The following NKAIN2 variants were observed in gnomAD, a reference collection of about 807,000 sequenced individuals.
NKAIN2 encodes sodium/potassium transporting ATPase interacting 2.
In NKAIN2, 14 loss-of-function variants were observed where a neutral mutation model predicts 32.6. The ratio of observed to expected loss-of-function variants is 0.43; its 90% CI spans 0.28 to 0.67. The LOEUF is 0.67. NKAIN2 is among the 30% of genes least tolerant of loss of function. The pLI is 0.17. For missense variants in NKAIN2, 198 were observed against 258.3 expected (o/e 0.77, Z 1.60); for synonymous variants, 80 against 87.2 (o/e 0.92, Z 0.46).
chr6:124,607,321 A>C (rs539838489), intron 3 of NKAIN2, among the ~76,000 whole-genome samples: 1 of 152,236 alleles, frequency 6.6e-6, no homozygotes, highest in South Asian at 2.1e-4. Context: ...CAGCATCAGA[A>C]CCAGAAGAGG....
chr6:124,542,438 C>T (rs536510905), intron 3 of NKAIN2, among the ~76,000 whole-genome samples: 12 of 152,132 alleles, frequency 7.9e-5, no homozygotes, highest in African/African-American at 2.2e-4. Flanking sequence ...TAAACAGATT[C>T]GAATAGGTGT....
intron 3 of NKAIN2, among the ~76,000 whole-genome samples, chr6:124,394,456 GAGAT>G (rs59551274): frequency 0.12 from 17,295 of 143,574 alleles, 1,033 homozygotes; most frequent in Non-Finnish European, 0.12. Flanking sequence ...GAATCAATAT[GAGAT>G]AGATAGATAG....
Position 124,366,531 on chromosome 6 carries a change from C to T in NKAIN2, c.273+11184C>T, listed in dbSNP as rs554150026. Among the ~76,000 whole-genome samples, 6 of 152,072 alleles carry T rather than the reference C, an allele frequency of 3.9e-5. No homozygotes were observed. In the East Asian group the frequency reaches 9.7e-4, roughly 25 times the overall value. Reference sequence around the variant, plus strand: ...TTAGGAATGTTATACTACCAATATACACAAATTCTTTCTAAGAATACAGCA... The same window carrying T: ...TTAGGAATGTTATACTACCAATATATACAAATTCTTTCTAAGAATACAGCA... On this transcript the variant is annotated intron_variant, in intron 3 of 6. Transcript: ENST00000368417.
intron 1 of NKAIN2, among the ~76,000 whole-genome samples, chr6:123,818,943 G>T (rs1773809811): frequency 1.3e-5 from 2 of 152,094 alleles, no homozygotes; most frequent in Non-Finnish European, 2.9e-5. Flanking sequence ...ATGTACTTGG[G>T]TCCACTGAAA....
intron 5 of NKAIN2, among the ~76,000 whole-genome samples, chr6:124,793,729 A>T (rs1024466047): frequency 6.6e-6 from 1 of 152,110 alleles, no homozygotes; most frequent in African/African-American, 2.4e-5. Flanking sequence ...GACACTGAAA[A>T]TTTAGAATGC....
Position 124,380,374 on chromosome 6 carries a change from C to T in NKAIN2, c.273+25027C>T, listed in dbSNP as rs75891088. On this transcript the variant is annotated intron_variant, in intron 3 of 6. Coordinates refer to ENST00000368417, the MANE Select transcript of NKAIN2 (RefSeq NM_001040214.3). ...TTCCTAGGGACTATATTTCATGTCT[C>T]ACTTCTTCACATGTAGATGTGCCCA... Among the ~76,000 whole-genome samples the T allele has an allele frequency of 5.6e-3, 849 of 152,300 alleles. 11 individuals are homozygous for T. Among genetic ancestry groups the T allele is most frequent in the African/African-American group, 0.019 (805 of 41,548 alleles).
intron 4 of NKAIN2, among the ~76,000 whole-genome samples, chr6:124,670,743 C>T (rs1773061318): frequency 6.6e-6 from 1 of 150,742 alleles, no homozygotes; most frequent in Non-Finnish European, 1.5e-5. Context: ...CAGAGAAGAA[C>T]AATAATTCTC....
At position 123,964,586 on chromosome 6, in the gene NKAIN2, G is replaced by C. The variant is rs1777993625; in HGVS notation, c.54+160332G>C. 6.6e-6 allele frequency among the ~76,000 whole-genome samples: 1 copy of C among 152,076 alleles called. No individual in the cohort carries two copies. Among genetic ancestry groups the C allele is most frequent in the South Asian group, 2.1e-4 (1 of 4,830 alleles). ...AGAAAGGACTTGGGGATATAGAAAGGGCGTATGTAAGAGTTCTAAAAATTA... is the reference window on the plus strand; with the variant it reads ...AGAAAGGACTTGGGGATATAGAAAGCGCGTATGTAAGAGTTCTAAAAATTA... On this transcript the variant is annotated intron_variant, in intron 1 of 6. Transcript: ENST00000368417. This position sits in a 1 kb window ranked among gnomAD's most constrained non-coding sequence, Gnocchi z 4.0.
At chr6:124,214,447 C>T (rs150601257) in intron 1 of NKAIN2, among the ~76,000 whole-genome samples, 2 of 152,064 alleles carry the variant, frequency 1.3e-5, no homozygotes, top group African/African-American at 4.8e-5. Context: ...TTCCTGAAAA[C>T]TTACAAGGGT....
intron 3 of NKAIN2, among the ~76,000 whole-genome samples, chr6:124,613,423 A>AT (rs1158574435): frequency 1.3e-5 from 2 of 152,144 alleles, no homozygotes; most frequent in Non-Finnish European, 2.9e-5. Flanking sequence ...TAAAGCAGTG[A>AT]TTTTTTGTGG....
At chr6:124,112,695 G>A (rs916579750) in intron 1 of NKAIN2, among the ~76,000 whole-genome samples, 11 of 151,974 alleles carry the variant, frequency 7.2e-5, no homozygotes, top group Non-Finnish European at 1.5e-4. Flanking sequence ...TCCATAATTT[G>A]TATATTGGTC....
At chr6:124,509,146 A>C (rs1162409466) in intron 3 of NKAIN2, among the ~76,000 whole-genome samples, 2 of 152,204 alleles carry the variant, frequency 1.3e-5, no homozygotes, top group Non-Finnish European at 2.9e-5. Context: ...ATGGAATTCC[A>C]ATCGCTGCCT....
chr6:124,626,723 C>CCCCAA (rs1783364455), intron 3 of NKAIN2, among the ~76,000 whole-genome samples: 1 of 152,062 alleles, frequency 6.6e-6, no homozygotes, highest in Admixed American at 6.6e-5. Context: ...ATATTCAGGG[C>CCCCAA]CACCACATAC....
chr6:124,004,328 T>C (rs1275733576), intron 1 of NKAIN2, among the ~76,000 whole-genome samples: 2 of 152,064 alleles, frequency 1.3e-5, no homozygotes, highest in African/African-American at 2.4e-5. Flanking sequence ...GTAAAGAGAA[T>C]GCAGCCTGAA....
At chr6:123,923,319 T>C (rs1562259925) in intron 1 of NKAIN2, among the ~76,000 whole-genome samples, 1 of 152,154 alleles carries the variant, frequency 6.6e-6, no homozygotes, top group African/African-American at 2.4e-5. Context: ...GTTTAGTTTG[T>C]ATTAAAGTTG....
Position 124,074,768 on chromosome 6 carries a change from A to G in NKAIN2, c.55-208237A>G, listed in dbSNP as rs1423836544. Among the ~76,000 whole-genome samples the G allele has an allele frequency of 3.3e-5, 5 of 152,302 alleles. No individual in the cohort carries two copies. In the East Asian group the frequency reaches 5.8e-4, roughly 18 times the overall value. On this transcript the variant is annotated intron_variant, in intron 1 of 6. Transcript: ENST00000368417. ...CAGAGTTACACCCTCTTGGAAGTCC[A>G]TGGAACTGGTGTTTCTGTTTTATGT...
chr6:124,706,681 G>A (rs1200979898), intron 4 of NKAIN2, among the ~76,000 whole-genome samples: 1 of 152,140 alleles, frequency 6.6e-6, no homozygotes. Flanking sequence ...TCAAAGAGCA[G>A]CAAGTCACTT....
intron 4 of NKAIN2, among the ~76,000 whole-genome samples, chr6:124,761,838 C>T (rs1378145844): frequency 1.3e-5 from 2 of 152,054 alleles, no homozygotes; most frequent in Non-Finnish European, 2.9e-5. Flanking sequence ...CATTATAAAT[C>T]CTTTTGCTAT....
rs530770879 is a variant in NKAIN2 at position 123,966,897 on chromosome 6, A to G, written c.54+162643A>G. Among the ~76,000 whole-genome samples the G allele has an allele frequency of 3.3e-5, 5 of 152,318 alleles. No individual in the cohort carries two copies. In the South Asian group the frequency reaches 8.3e-4, roughly 25 times the overall value. On this transcript the variant is annotated intron_variant, in intron 1 of 6. Transcript: ENST00000368417. Reference sequence around the variant, plus strand: ...TGGTTCCAGCTCTCATGACATTTCCAATCTAAAGTAGTGTTGCTATTTTAT... The same window carrying G: ...TGGTTCCAGCTCTCATGACATTTCCGATCTAAAGTAGTGTTGCTATTTTAT...
Sources: gnomAD v4.1 joint callset for allele counts (sites outside exome capture counted in the v4.1 genomes callset) on GRCh38, gnomAD v4.1.1 for gene constraint, Gnocchi (gnomAD v3.1) non-coding constraint, MANE v1.5 for transcripts, NCBI Gene and HGNC (gene_info 2026-07-23, HGNC 2026-07-21) for gene names.